Variants in SCFD2 observed in about 807,000 individuals in gnomAD.
SCFD2 encodes sec1 family domain containing 2, also known as sec1 family domain-containing protein 2.
In SCFD2, 54 loss-of-function variants were observed where a neutral mutation model predicts 58.9. The ratio of observed to expected loss-of-function variants is 0.92; its 90% CI spans 0.74 to 1.15. The LOEUF (loss-of-function observed/expected upper bound fraction) is 1.15, where lower values mean the gene tolerates loss of function less well. SCFD2 is among the 50% of genes most tolerant of loss of function. The probability of loss-of-function intolerance (pLI) is 0.00; values close to 1 mark genes in which losing one functional copy is unlikely to be tolerated. For missense variants in SCFD2, 805 were observed against 836.6 expected, an observed-to-expected ratio of 0.96 and a Z score of 0.47; for synonymous variants, 321 against 335.9, an observed-to-expected ratio of 0.96 and a Z score of 0.49.
rs988094243 is a variant in SCFD2, at chr4:53,203,354, C to A, written c.1312-57772G>T. Among the ~76,000 whole-genome samples, 16 of 152,000 alleles carry A rather than the reference C, an allele frequency of 1.1e-4. 1 individual carries two copies. Among genetic ancestry groups the A allele is most frequent in the African/African-American group, 3.4e-4 (14 of 41,416 alleles). On this transcript the variant is annotated intron_variant, in intron 4 of 8. Coordinates refer to ENST00000401642, the MANE Select transcript of SCFD2 (RefSeq NM_152540.4). ...GAATTTTAAAAAGAGAAGGCATAAT[C>A]AGATTTTTTTTAGCTTGTATTTGAT...
At chr4:52,909,366 C>T (rs901376403) in intron 6 of SCFD2, among the ~76,000 whole-genome samples, 2 of 152,182 alleles carry the variant, frequency 1.3e-5, no homozygotes, top group African/African-American at 4.8e-5. Flanking sequence ...AATAAGAAAG[C>T]TCTGTGCTTG....
At position 53,197,747 on chromosome 4, in the gene SCFD2, CAAA is replaced by C. The variant is rs10717880; in HGVS notation, c.1312-52168_1312-52166del. Among the ~76,000 whole-genome samples the C allele has an allele frequency of 3.0e-3, 285 of 96,554 alleles. 6 individuals carry two copies. Among genetic ancestry groups the C allele is most frequent in the Non-Finnish European group, 2.0e-3 (93 of 47,654 alleles). 63.3% of individuals were successfully genotyped at this position (96,554 alleles called of 152,430 possible). On this transcript the variant is annotated intron_variant, in intron 4 of 8. Transcript: ENST00000401642. ...TTGTAAATATGACATTAGAAGATGG[CAAA>C]AAAAAAAAAAAAAAAAAGAAATGAA...
intron 4 of SCFD2, among the ~76,000 whole-genome samples, chr4:53,217,942 A>G (rs1443517442): frequency 1.3e-5 from 2 of 151,962 alleles, no homozygotes; most frequent in African/African-American, 4.8e-5. Flanking sequence ...GTTGAAAATC[A>G]TTTTCTTTAA....
intron 3 of SCFD2, among the ~76,000 whole-genome samples, chr4:53,283,175 C>T (rs748807409): frequency 2.0e-5 from 3 of 152,146 alleles, no homozygotes; most frequent in Non-Finnish European, 4.4e-5. Flanking sequence ...CTTACCCAGT[C>T]GATAGTCTCC....
At position 53,145,493 on chromosome 4, in the gene SCFD2, G is replaced by GCTGT; in HGVS notation, c.1397_1400dup (p.Ser467ArgfsTer4). On this transcript the variant is annotated frameshift_variant, in exon 5 of 9. Transcript: ENST00000401642. LOFTEE classifies it high-confidence loss of function. ...TGAGAAGGATCAGCAGTTCCTCAGG[G>GCTGT]CTGTAGTCCTCGTTGGTTCTCTGGG... The GCTGT allele has an allele frequency of 1.2e-6, 2 of 1,614,078 alleles. No homozygotes were observed. Among genetic ancestry groups the GCTGT allele is most frequent in the Non-Finnish European group, 1.7e-6 (2 of 1,179,980 alleles).
chr4:53,062,160 T>C (rs1274119825), intron 5 of SCFD2, among the ~76,000 whole-genome samples: 1 of 151,792 alleles, frequency 6.6e-6, no homozygotes, highest in Non-Finnish European at 1.5e-5. Flanking sequence ...TCACTTGAGG[T>C]CAGGAGTTCA....
intron 4 of SCFD2, among the ~76,000 whole-genome samples, chr4:53,151,357 T>C (rs1726499836): frequency 6.6e-6 from 1 of 152,240 alleles, no homozygotes. Context: ...GGTAGAAGAC[T>C]GAAGCTGTGT....
chr4:52,910,195 G>C (rs1560478180), intron 6 of SCFD2, among the ~76,000 whole-genome samples: 1 of 152,214 alleles, frequency 6.6e-6, no homozygotes, highest in Non-Finnish European at 1.5e-5. Context: ...GATGTAAATA[G>C]AGTAATGTGA....
At chr4:53,143,585 T>C (rs889340738) in intron 5 of SCFD2, among the ~76,000 whole-genome samples, 5 of 152,218 alleles carry the variant, frequency 3.3e-5, no homozygotes, top group African/African-American at 1.2e-4. Context: ...TTTCATTTTC[T>C]ATAAGCAACC....
intron 5 of SCFD2, among the ~76,000 whole-genome samples, chr4:53,096,155 G>A (rs1485969159): frequency 6.6e-6 from 1 of 152,046 alleles, no homozygotes; most frequent in Non-Finnish European, 1.5e-5. Context: ...TTCACTATTT[G>A]TGAACAGTGC....
intron 2 of SCFD2, among the ~76,000 whole-genome samples, chr4:53,346,512 G>T (rs1734063745): frequency 6.6e-6 from 1 of 152,052 alleles, no homozygotes; most frequent in African/African-American, 2.4e-5. Context: ...GACCTCAAGT[G>T]ATCCACCTGT....
At chr4:53,075,739 C>T (rs1236409213) in intron 5 of SCFD2, among the ~76,000 whole-genome samples, 3 of 152,132 alleles carry the variant, frequency 2.0e-5, no homozygotes, top group African/African-American at 7.2e-5. Context: ...TGCTGTCTTA[C>T]ATGGGGGTAG....
intron 5 of SCFD2, among the ~76,000 whole-genome samples, chr4:53,047,129 C>T (rs767512383): frequency 5.3e-5 from 8 of 152,174 alleles, no homozygotes; most frequent in Non-Finnish European, 8.8e-5. Context: ...AGTTCCTGCT[C>T]CCCTGCCATT....
intron 2 of SCFD2, among the ~76,000 whole-genome samples, chr4:53,343,352 G>A (rs1210909069): frequency 1.3e-5 from 2 of 152,104 alleles, no homozygotes; most frequent in Non-Finnish European, 2.9e-5. Flanking sequence ...AGAAAACCTA[G>A]AAGAAATGGA....
At chr4:53,186,801 A>G (rs1219242380) in intron 4 of SCFD2, among the ~76,000 whole-genome samples, 2 of 152,046 alleles carry the variant, frequency 1.3e-5, no homozygotes, top group Non-Finnish European at 2.9e-5. Context: ...GTTAGGCTAC[A>G]TGGTTTTGAT....
At chr4:53,273,758 T>C in intron 4 of SCFD2, 68 bp downstream of exon 4, 1 of 1,348,250 alleles carries the variant, frequency 7.4e-7, no homozygotes, top group South Asian at 1.5e-5. Context: ...ATAATAAATG[T>C]CAAGGTTTTT....
intron 2 of SCFD2, among the ~76,000 whole-genome samples, chr4:53,333,911 A>C (rs1193884585): frequency 7.1e-6 from 1 of 140,850 alleles, no homozygotes; most frequent in Non-Finnish European, 1.5e-5. Flanking sequence ...CAAGAAAAAA[A>C]CAAACAACCC....
At chr4:53,169,349 G>A (rs541101886) in intron 4 of SCFD2, among the ~76,000 whole-genome samples, 17 of 152,136 alleles carry the variant, frequency 1.1e-4, no homozygotes, top group East Asian at 7.7e-4. Context: ...GTGACAGAGC[G>A]AGACTCTGAC....
intron 2 of SCFD2, among the ~76,000 whole-genome samples, chr4:53,316,149 G>A (rs1732856024): frequency 6.6e-6 from 1 of 152,300 alleles, no homozygotes; most frequent in South Asian, 2.1e-4. Flanking sequence ...CTAGCACTCT[G>A]TTGTCTACTT....
Sources: gnomAD v4.1 joint callset for allele counts (sites outside exome capture counted in the v4.1 genomes callset) on GRCh38, gnomAD v4.1.1 for gene constraint, MANE v1.5 for transcripts, NCBI Gene and HGNC (gene_info 2026-07-23, HGNC 2026-07-21) for gene names.